GRIA4: variants seen among roughly 807,000 people sequenced by gnomAD.
The protein encoded by GRIA4 is glutamate ionotropic receptor AMPA type subunit 4, also known as glutamate receptor 4.
GRIA4 carries 34 observed loss-of-function variants against 104.0 expected under a neutral mutation model. That is an observed-to-expected ratio of 0.33 (90% CI 0.25 to 0.44). The LOEUF (loss-of-function observed/expected upper bound fraction) is 0.44. Among genes scored for constraint, GRIA4 ranks in the 20% least tolerant of loss-of-function variants. The pLI is 1.00. For missense variants in GRIA4, 750 were observed against 1,096.5 expected (o/e 0.68, Z 4.46); for synonymous variants, 386 against 381.9 (o/e 1.01, Z -0.13).
intron 3 of GRIA4, among the ~76,000 whole-genome samples, chr11:105,717,686 C>T (rs941451025): frequency 6.6e-6 from 1 of 151,720 alleles, no homozygotes; most frequent in Non-Finnish European, 1.5e-5. Context: ...TTAAGTACAG[C>T]CTTTGTTCTC....
chr11:105,887,456 A>C (rs1435642502), intron 5 of GRIA4, 63 bp from the exon 6 acceptor site: 2 of 703,148 alleles, frequency 2.8e-6, no homozygotes, highest in African/African-American at 3.7e-5. Flanking sequence ...ATAGATAATA[A>C]TTTTAAAATA....
intron 3 of GRIA4, among the ~76,000 whole-genome samples, chr11:105,724,450 T>C (rs955434714): frequency 6.6e-6 from 1 of 151,824 alleles, no homozygotes; most frequent in Non-Finnish European, 1.5e-5. Flanking sequence ...TCAGCCATGA[T>C]AAAGAATGAA....
intron 3 of GRIA4, among the ~76,000 whole-genome samples, chr11:105,704,844 G>GT (rs1478116189): frequency 6.6e-6 from 1 of 152,032 alleles, no homozygotes; most frequent in Non-Finnish European, 1.5e-5. Flanking sequence ...TCCCATGTTA[G>GT]TTTATGAATT....
chr11:105,751,769 G>T (rs1010148243), intron 3 of GRIA4, among the ~76,000 whole-genome samples: 5 of 152,158 alleles, frequency 3.3e-5, no homozygotes, highest in Non-Finnish European at 5.9e-5. Flanking sequence ...AGAAAACTGT[G>T]TTAAAATCTG....
At chr11:105,760,863 T>C (rs1940598742) in intron 4 of GRIA4, among the ~76,000 whole-genome samples, 1 of 152,106 alleles carries the variant, frequency 6.6e-6, no homozygotes, top group South Asian at 2.1e-4. Context: ...TTTTTTCATG[T>C]TCGAGTACAT....
chr11:105,655,256 G>A (rs1951808018), intron 3 of GRIA4, among the ~76,000 whole-genome samples: 1 of 151,874 alleles, frequency 6.6e-6, no homozygotes, highest in Non-Finnish European at 1.5e-5. Context: ...TCATCATTTT[G>A]GATATTATCA....
At chr11:105,687,293 G>C (rs777116027) in intron 3 of GRIA4, among the ~76,000 whole-genome samples, 1 of 152,100 alleles carries the variant, frequency 6.6e-6, no homozygotes, top group African/African-American at 2.4e-5. Context: ...ACATAGATTT[G>C]GACCCCAGTG....
At chr11:105,946,402 G>T (rs2136232971) in intron 14 of GRIA4, among the ~76,000 whole-genome samples, 1 of 152,086 alleles carries the variant, frequency 6.6e-6, no homozygotes, top group Non-Finnish European at 1.5e-5. Context: ...GGGCAACATG[G>T]CAAAACCCCG....
chr11:105,833,793 C>T (rs7938516), intron 4 of GRIA4, among the ~76,000 whole-genome samples: 3,049 of 152,072 alleles, frequency 0.02, 56 homozygotes, highest in East Asian at 0.054. Flanking sequence ...AGAGCCCTTA[C>T]ATGTTCTCCT....
intron 14 of GRIA4, among the ~76,000 whole-genome samples, chr11:105,953,100 T>C (rs564017283): frequency 5.1e-4 from 78 of 152,340 alleles, no homozygotes; most frequent in African/African-American, 1.8e-3. Context: ...ACAAGTTAAA[T>C]TGAAAACTTA....
chr11:105,785,589 A>G (rs1304387808), intron 4 of GRIA4, among the ~76,000 whole-genome samples: 1 of 152,192 alleles, frequency 6.6e-6, no homozygotes, highest in African/African-American at 2.4e-5. Context: ...TGTTTTCCAA[A>G]CCATGGTCCT....
At chr11:105,694,592 A>G (rs941212298) in intron 3 of GRIA4, among the ~76,000 whole-genome samples, 4 of 152,078 alleles carry the variant, frequency 2.6e-5, no homozygotes, top group African/African-American at 9.7e-5. Flanking sequence ...TCTGATGTTT[A>G]TTTTACACTT....
chr11:105,645,967 G>T (rs1951515909), intron 3 of GRIA4, among the ~76,000 whole-genome samples: 1 of 152,168 alleles, frequency 6.6e-6, no homozygotes, highest in African/African-American at 2.4e-5. Context: ...TAGAAGCCAT[G>T]AAGGAAGAAG....
chr11:105,862,363 A>T (rs1216089639), intron 5 of GRIA4, 155 bp downstream of exon 5: 1 of 582,362 alleles, frequency 1.7e-6, no homozygotes, highest in Non-Finnish European at 3.0e-6. Context: ...ACCAAATCAC[A>T]ATCTTTTATC....
At chr11:105,720,606 A>G (rs1440922373) in intron 3 of GRIA4, among the ~76,000 whole-genome samples, 5 of 152,228 alleles carry the variant, frequency 3.3e-5, no homozygotes, top group Non-Finnish European at 5.9e-5. Flanking sequence ...TTGACTTTAC[A>G]GTCAAATTGC....
chr11:105,660,607 A>G (rs1951979418), intron 3 of GRIA4, among the ~76,000 whole-genome samples: 1 of 151,616 alleles, frequency 6.6e-6, no homozygotes, highest in African/African-American at 2.4e-5. Context: ...GTCTCATGAT[A>G]ATTTCTCTAG....
intron 4 of GRIA4, among the ~76,000 whole-genome samples, chr11:105,812,538 T>C (rs1171992717): frequency 6.6e-6 from 1 of 152,104 alleles, no homozygotes; most frequent in Non-Finnish European, 1.5e-5. Context: ...ATCTTTGAAA[T>C]AGTAATAGTA....
intron 4 of GRIA4, among the ~76,000 whole-genome samples, chr11:105,826,216 G>T (rs1269230560): frequency 6.6e-6 from 1 of 152,014 alleles, no homozygotes; most frequent in Non-Finnish European, 1.5e-5. Context: ...GAGAGAGGTT[G>T]CAGGGAGAAA....
intron 14 of GRIA4, among the ~76,000 whole-genome samples, chr11:105,956,607 C>A (rs1006900917): frequency 6.6e-6 from 1 of 152,048 alleles, no homozygotes; most frequent in African/African-American, 2.4e-5. Flanking sequence ...ATTTATAATC[C>A]TTTGGGTATA....
Sources: gnomAD v4.1 joint callset for allele counts (sites outside exome capture counted in the v4.1 genomes callset) on GRCh38, gnomAD v4.1.1 for gene constraint, MANE v1.5 for transcripts, NCBI Gene and HGNC (gene_info 2026-07-23, HGNC 2026-07-21) for gene names.